Variants in HMCN1 observed in about 807,000 individuals in gnomAD.
HMCN1 encodes the protein hemicentin-1.
Under a neutral mutation model 625.9 loss-of-function variants are expected in HMCN1, and 321 were observed. That is an observed-to-expected ratio of 0.51 (90% CI 0.47 to 0.56). HMCN1 has a LOEUF of 0.56. Among genes scored for constraint, HMCN1 ranks in the 20% least tolerant of loss-of-function variants. The probability of loss-of-function intolerance (pLI) is 0.00; values close to 1 mark genes in which losing one functional copy is unlikely to be tolerated. For missense variants in HMCN1, 6,588 were observed against 6,887.3 expected (o/e 0.96, Z 1.54); for synonymous variants, 2,425 against 2,417.6 (o/e 1.00, Z -0.09).
chr1:185,928,426 A>T lies in HMCN1; in HGVS notation c.1431-120A>T, dbSNP rs1571571674. 1.6e-5 allele frequency: 13 copies of T among 834,768 alleles called. No individual in the cohort carries two copies. The East Asian group carries it at 3.4e-4, about 22-fold the overall frequency. 51.7% of individuals were successfully genotyped at this position (834,768 alleles called of 1,614,324 possible). On this transcript the variant is annotated intron_variant, in intron 9 of 106. Coordinates refer to ENST00000271588, the MANE Select transcript of HMCN1 (RefSeq NM_031935.3). ...AAGTTAAAAAGAACTCTGCAGTTTT[A>T]TCAATTTATTTTCTTTACATTGTTC... is the stretch of plus-strand genomic sequence containing the variant.
At chr1:185,980,721 T>A (rs1245358434) in intron 16 of HMCN1, among the ~76,000 whole-genome samples, 1 of 152,204 alleles carries the variant, frequency 6.6e-6, no homozygotes, top group Admixed American at 6.5e-5. Context: ...TTCTACTCAC[T>A]CAGATATTAC....
At position 185,825,243 on chromosome 1, in the gene HMCN1, C is replaced by T. The variant is rs558904193; in HGVS notation, c.269-20783C>T. On this transcript the variant is annotated intron_variant, in intron 1 of 106. Transcript: ENST00000271588. ...AAAGCTGAGAGTTAAGTAACTTGTCCAAATTCACACCACTAATAATGTAGA... is the reference window on the plus strand; with the variant it reads ...AAAGCTGAGAGTTAAGTAACTTGTCTAAATTCACACCACTAATAATGTAGA... 3.2e-4 allele frequency among the ~76,000 whole-genome samples: 48 copies of T among 152,164 alleles called. 2 individuals carry two copies. In the South Asian group the frequency reaches 9.3e-3, roughly 30 times the overall value.
chr1:186,165,905 G>A (rs1571450135), intron 98 of HMCN1, among the ~76,000 whole-genome samples: 1 of 152,210 alleles, frequency 6.6e-6, no homozygotes, highest in Non-Finnish European at 1.5e-5. Context: ...AGTTAAAGCA[G>A]GTAAAAGGCA....
At chr1:186,117,692 C>A in intron 77 of HMCN1, 69 bp downstream of exon 77, 2 of 1,411,584 alleles carry the variant, frequency 1.4e-6, no homozygotes, top group East Asian at 2.3e-5. Flanking sequence ...CTTACCTGGC[C>A]TTTGTTGCAC....
chr1:186,173,030 G>A (rs1041000981), intron 102 of HMCN1, among the ~76,000 whole-genome samples: 1 of 152,194 alleles, frequency 6.6e-6, no homozygotes, highest in Non-Finnish European at 1.5e-5. Context: ...AAGGGAGAAA[G>A]AGCTGAACTT....
intron 69 of HMCN1, among the ~76,000 whole-genome samples, chr1:186,104,220 C>A (rs1016994933): frequency 2.0e-5 from 3 of 152,108 alleles, no homozygotes; most frequent in Non-Finnish European, 4.4e-5. Flanking sequence ...TAAAGGCAAA[C>A]CTTATGTTAC....
At chr1:185,741,847 G>T (rs1415884971) in intron 1 of HMCN1, among the ~76,000 whole-genome samples, 1 of 152,192 alleles carries the variant, frequency 6.6e-6, no homozygotes, top group Non-Finnish European at 1.5e-5. Context: ...GGGAAAAGAG[G>T]ATTTGGAAAT....
chr1:186,126,858 TA>T (rs1362779894), intron 82 of HMCN1, among the ~76,000 whole-genome samples: 1 of 152,126 alleles, frequency 6.6e-6, no homozygotes, highest in Non-Finnish European at 1.5e-5. Context: ...TTATATGCCT[TA>T]AATTTTAAAG....
Position 185,734,899 on chromosome 1 carries a change from C to T in HMCN1, c.120C>T (p.Ser40=), listed in dbSNP as rs751820820. Residue 40 remains serine (S), a synonymous_variant, in exon 1 of 107, where the codon TCC becomes TCT. Coordinates refer to ENST00000271588, the MANE Select transcript of HMCN1 (RefSeq NM_031935.3). ...CTGAGGAAATTCCCGAGGGGGCCTC[C>T]ACGTTGGCTTTTGTGTTTGATGTGA... is the stretch of plus-strand genomic sequence containing the variant. ...IRAEEIPEGA[S]TLAFVFDVTG... 8 of 1,614,054 alleles carry T rather than the reference C, an allele frequency of 5.0e-6. No individual in the cohort carries two copies. In the Admixed American group the frequency reaches 1.3e-4, roughly 27 times the overall value.
chr1:185,766,489 C>T (rs541525443), intron 1 of HMCN1, among the ~76,000 whole-genome samples: 2 of 152,106 alleles, frequency 1.3e-5, no homozygotes, highest in Non-Finnish European at 2.9e-5. Flanking sequence ...CTCTTCTGGC[C>T]GTCTCAGGAA....
intron 105 of HMCN1, among the ~76,000 whole-genome samples, chr1:186,186,994 TCACACA>T (rs371455899): frequency 0.013 from 1,701 of 134,554 alleles, 24 homozygotes; most frequent in South Asian, 0.029. Flanking sequence ...TGTCTCTGTC[TCACACA>T]CACACACACA....
At chr1:185,999,932 T>A in intron 25 of HMCN1, 113 bp from the exon 26 acceptor site, 1 of 727,914 alleles carries the variant, frequency 1.4e-6, no homozygotes, top group African/African-American at 1.8e-5. Flanking sequence ...GCATAGGACC[T>A]AAGGTTATAA....
intron 1 of HMCN1, among the ~76,000 whole-genome samples, chr1:185,747,395 T>G (rs1050215822): frequency 2.0e-5 from 3 of 152,002 alleles, no homozygotes; most frequent in African/African-American, 7.3e-5. Flanking sequence ...CTCGGCTCAC[T>G]GCAACCTCCA....
intron 6 of HMCN1, among the ~76,000 whole-genome samples, chr1:185,919,924 TC>T (rs1201362946): frequency 6.6e-6 from 1 of 152,218 alleles, no homozygotes; most frequent in African/African-American, 2.4e-5. Context: ...TGCTTTTTTC[TC>T]CTCCCTTTTC....
intron 83 of HMCN1, among the ~76,000 whole-genome samples, chr1:186,128,992 C>T (rs1661787360): frequency 6.6e-6 from 1 of 151,386 alleles, no homozygotes. Flanking sequence ...ATGTTAATGA[C>T]ATTAGTTAAT....
At chr1:186,023,199 T>A in intron 36 of HMCN1, 46 bp downstream of exon 36, 1 of 1,551,912 alleles carries the variant, frequency 6.4e-7, no homozygotes, top group Non-Finnish European at 8.9e-7. Context: ...TGTATCACTT[T>A]TTAAAAACAT....
intron 1 of HMCN1, among the ~76,000 whole-genome samples, chr1:185,799,759 C>T (rs1026313257): frequency 3.3e-5 from 5 of 152,126 alleles, no homozygotes; most frequent in Non-Finnish European, 7.4e-5. Context: ...GTGCAGGTGA[C>T]CTCCTGGCCA....
At chr1:185,795,528 G>T (rs1658312413) in intron 1 of HMCN1, among the ~76,000 whole-genome samples, 1 of 152,138 alleles carries the variant, frequency 6.6e-6, no homozygotes, top group African/African-American at 2.4e-5. Context: ...GAGTGTTTGG[G>T]TGCCAAATTC....
chr1:185,970,625 T>C lies in HMCN1; in HGVS notation c.2371+132T>C. ...AATTAGAGGGTGCATTTCAGATTAA[T>C]AGAATAACAGTAGTTAGCATTTACT... On this transcript the variant is annotated intron_variant, in intron 15 of 106. Transcript: ENST00000271588. 3 of 784,178 alleles carry C rather than the reference T, an allele frequency of 3.8e-6. No homozygotes were observed. The Admixed American group carries it at 5.7e-5, about 15-fold the overall frequency. The allele number at this position is 784,178 out of a possible 1,614,324, so 48.6% of individuals were successfully genotyped here.
Sources: allele counts gnomAD v4.1 joint callset (sites outside exome capture counted in the v4.1 genomes callset), GRCh38; gene constraint gnomAD v4.1.1; transcripts MANE v1.5; gene names NCBI Gene and HGNC (gene_info 2026-07-23, HGNC 2026-07-21).